The following MEGF11 variants were observed in gnomAD, a reference collection of about 807,000 sequenced individuals.
MEGF11 encodes multiple EGF like domains 11, also known as multiple epidermal growth factor-like domains protein 11.
In MEGF11, 126 loss-of-function variants were observed where a neutral mutation model predicts 146.6. That is an observed-to-expected ratio of 0.86 (90% CI 0.74 to 1.00). MEGF11 has a LOEUF of 1.00. Among genes scored for constraint, MEGF11 ranks in the 50% least tolerant of loss-of-function variants. The probability of loss-of-function intolerance (pLI) is 0.00; values close to 1 mark genes in which losing one functional copy is unlikely to be tolerated. For synonymous variants in MEGF11, 532 were observed against 583.4 expected, an observed-to-expected ratio of 0.91 and a Z score of 1.27; for missense variants, 1,509 against 1,521.2, an observed-to-expected ratio of 0.99 and a Z score of 0.13.
At chr15:66,232,368 C>A (rs1385745533) in intron 1 of MEGF11, among the ~76,000 whole-genome samples, 1 of 152,212 alleles carries the variant, frequency 6.6e-6, no homozygotes, top group Non-Finnish European at 1.5e-5. Flanking sequence ...TGGACCGGCC[C>A]CAGTCAAGGC....
intron 7 of MEGF11, among the ~76,000 whole-genome samples, chr15:65,978,195 G>A (rs929520340): frequency 3.3e-5 from 5 of 152,230 alleles, no homozygotes; most frequent in Non-Finnish European, 1.5e-5. Context: ...TGTGGTTGAA[G>A]TCACATAGGG....
chr15:66,000,514 A>G (rs2082334144), intron 5 of MEGF11, among the ~76,000 whole-genome samples: 1 of 151,596 alleles, frequency 6.6e-6, no homozygotes, highest in African/African-American at 2.4e-5. Context: ...CCTGGGTGAC[A>G]GAGAGAGAAC....
rs368872723 is a variant in MEGF11 at position 66,186,426 on chromosome 15, T to G, written c.-8-58015A>C. ...CTTCTCTGCCCCCAAGCCATTGGAATTTGCCCTGTGGGGAAGGAGCTGGCA... is the reference window on the plus strand; with the variant it reads ...CTTCTCTGCCCCCAAGCCATTGGAAGTTGCCCTGTGGGGAAGGAGCTGGCA... On this transcript the variant is annotated intron_variant, in intron 1 of 25. Transcript: ENST00000395614. Among the ~76,000 whole-genome samples, 6 of 152,260 alleles carry G rather than the reference T, an allele frequency of 3.9e-5. No homozygotes were observed. In the East Asian group the frequency reaches 1.2e-3, roughly 29 times the overall value.
intron 1 of MEGF11, among the ~76,000 whole-genome samples, chr15:66,252,709 A>AT (rs560523546): frequency 8.9e-4 from 135 of 152,286 alleles, no homozygotes; most frequent in African/African-American, 3.0e-3. Flanking sequence ...TTTAAGTAGT[A>AT]TTTTTTCTAA....
intron 1 of MEGF11, among the ~76,000 whole-genome samples, chr15:66,186,446 C>T (rs893258693): frequency 6.6e-6 from 1 of 152,186 alleles, no homozygotes; most frequent in African/African-American, 2.4e-5. Context: ...GGGGAAGGAG[C>T]TGGCATCATT....
intron 5 of MEGF11, among the ~76,000 whole-genome samples, chr15:66,042,502 T>A (rs1191011857): frequency 6.6e-6 from 1 of 152,156 alleles, no homozygotes; most frequent in Non-Finnish European, 1.5e-5. Flanking sequence ...CAGATATTTT[T>A]CCAGGGAGCT....
intron 12 of MEGF11, among the ~76,000 whole-genome samples, chr15:65,929,223 G>T (rs1029553146): frequency 8.5e-5 from 13 of 152,136 alleles, no homozygotes; most frequent in Admixed American, 2.6e-4. Context: ...TAACTTATTT[G>T]TATCTCAGAC....
intron 1 of MEGF11, among the ~76,000 whole-genome samples, chr15:66,139,032 T>A (rs774031082): frequency 3.9e-5 from 6 of 152,220 alleles, no homozygotes; most frequent in Non-Finnish European, 8.8e-5. Context: ...GTTTGCAATT[T>A]GGCCCAGCCC....
chr15:65,957,863 G>T (rs1490341784), intron 9 of MEGF11, 142 bp from the exon 10 acceptor site: 5 of 729,150 alleles, frequency 6.9e-6, no homozygotes, highest in Non-Finnish European at 1.1e-5. Context: ...TGCCTTTTCT[G>T]TTTATCAGAA....
intron 5 of MEGF11, among the ~76,000 whole-genome samples, chr15:66,034,179 G>A (rs1050445255): frequency 2.6e-5 from 4 of 152,114 alleles, no homozygotes; most frequent in African/African-American, 9.7e-5. Flanking sequence ...ATTGCATTTT[G>A]GAAGTAGATA....
intron 1 of MEGF11, among the ~76,000 whole-genome samples, chr15:66,234,471 C>T (rs990314865): frequency 2.0e-5 from 3 of 152,342 alleles, no homozygotes; most frequent in East Asian, 1.9e-4. Context: ...CTATACGCAA[C>T]GCTGAAGAGT....
At chr15:66,052,761 A>T (rs1161549861) in intron 5 of MEGF11, among the ~76,000 whole-genome samples, 1 of 152,212 alleles carries the variant, frequency 6.6e-6, no homozygotes, top group East Asian at 1.9e-4. Flanking sequence ...AGGCCCTCCC[A>T]TCTTTGAACA....
At chr15:66,141,130 G>A (rs554583283) in intron 1 of MEGF11, among the ~76,000 whole-genome samples, 1 of 152,068 alleles carries the variant, frequency 6.6e-6, no homozygotes, top group African/African-American at 2.4e-5. Context: ...TCCTCTTGCA[G>A]GTGGCGAAAT....
intron 5 of MEGF11, among the ~76,000 whole-genome samples, chr15:66,034,854 G>A (rs2083667660): frequency 6.6e-6 from 1 of 152,130 alleles, no homozygotes; most frequent in South Asian, 2.1e-4. Context: ...CCTCATGCAT[G>A]AATTCATGTC....
At chr15:66,218,990 A>C (rs1003396300) in intron 1 of MEGF11, among the ~76,000 whole-genome samples, 1 of 151,264 alleles carries the variant, frequency 6.6e-6, no homozygotes, top group Non-Finnish European at 1.5e-5. Context: ...AAAAAAAAAA[A>C]AAAAAACCTT....
In MEGF11 at chr15:65,935,528, C is replaced by A. The variant is rs527371330; in HGVS notation, c.1288-4585G>T. Among the ~76,000 whole-genome samples the A allele has an allele frequency of 8.9e-4, 135 of 152,242 alleles. 2 individuals carry two copies. In the South Asian group the frequency reaches 0.028, roughly 31 times the overall value. ...TGTCTGCTGCAGAATTGATTGATTG[C>A]TTGCTGCTGGGGAGAAATCCCCACA... On this transcript the variant is annotated intron_variant, in intron 10 of 25. Transcript: ENST00000395614.
chr15:66,169,025 T>A (rs1238479869), intron 1 of MEGF11, among the ~76,000 whole-genome samples: 1 of 152,228 alleles, frequency 6.6e-6, no homozygotes, highest in Non-Finnish European at 1.5e-5. Context: ...TGTTTCTTTT[T>A]ACTTTTTTAA....
At chr15:66,133,742 G>A (rs1163277067) in intron 1 of MEGF11, among the ~76,000 whole-genome samples, 1 of 152,004 alleles carries the variant, frequency 6.6e-6, no homozygotes, top group Non-Finnish European at 1.5e-5. Flanking sequence ...TCCCACCAGG[G>A]GTTGGGTTTA....
In MEGF11 at chr15:66,028,426, A is replaced by G. The variant is rs553627786; in HGVS notation, c.395-45938T>C. Among the ~76,000 whole-genome samples, 7 of 152,366 alleles carry G rather than the reference A, an allele frequency of 4.6e-5. No individual in the cohort carries two copies. The South Asian group carries it at 1.4e-3, about 32-fold the overall frequency. ...ATGTTATACAGAAACTGGTACACAC[A>G]TTACTGATAATGTTGAAAATAGGAA... On this transcript the variant is annotated intron_variant, in intron 5 of 25. Coordinates refer to ENST00000395614, the MANE Select transcript of MEGF11 (RefSeq NM_001385028.1).
Sources: gnomAD v4.1 joint callset for allele counts (sites outside exome capture counted in the v4.1 genomes callset) on GRCh38, gnomAD v4.1.1 for gene constraint, MANE v1.5 for transcripts, NCBI Gene and HGNC (gene_info 2026-07-23, HGNC 2026-07-21) for gene names.